Variants in HAUS1 observed in about 807,000 individuals in gnomAD.
HAUS1 encodes HAUS augmin like complex subunit 1.
HAUS1 carries 25 observed loss-of-function variants against 38.6 expected under a neutral mutation model. That is an observed-to-expected ratio of 0.65 (90% CI 0.47 to 0.91). The LOEUF (loss-of-function observed/expected upper bound fraction) is 0.91, where lower values mean the gene tolerates loss of function less well. HAUS1 is among the 40% of genes least tolerant of loss of function. HAUS1 has a pLI of 0.00. For missense variants in HAUS1, 325 were observed against 328.4 expected, an observed-to-expected ratio of 0.99 and a Z score of 0.08; for synonymous variants, 109 against 112.9, an observed-to-expected ratio of 0.97 and a Z score of 0.22.
chr18:46,124,724 A>G, intron 6 of HAUS1, 98 bp from the exon 7 acceptor site: 3 of 650,496 alleles, frequency 4.6e-6, no homozygotes, highest in Non-Finnish European at 8.1e-6. Flanking sequence ...AAAATATACT[A>G]ATGTTAATGC....
chr18:46,121,435 AGAGG>A lies in HAUS1; in HGVS notation c.477-1031_477-1028del, dbSNP rs200983654. On this transcript the variant is annotated intron_variant, in intron 4 of 8. Coordinates refer to ENST00000282058, the MANE Select transcript of HAUS1 (RefSeq NM_138443.4). The stretch of plus-strand genomic sequence containing the variant: ...TCGAACTTCATGTCACATTTAGTAC[AGAGG>A]TATTTAGGACCTCCTATTTCAAATT... Among the ~76,000 whole-genome samples the A allele has an allele frequency of 5.7e-3, 874 of 152,176 alleles. 18 individuals carry two copies. The highest frequency in any genetic ancestry group is 0.033 in the Admixed American group (498 of 15,272).
chr18:46,105,536 ATATATG>A (rs770762008), intron 2 of HAUS1, 168 bp downstream of exon 2: 20 of 563,766 alleles, frequency 3.5e-5, no homozygotes, highest in South Asian at 1.6e-4. Flanking sequence ...TTATGTTTAT[ATATATG>A]TATATGTATG....
In HAUS1 at chr18:46,105,302, C is replaced by CG. The variant is rs1911432158; in HGVS notation, c.142dup (p.Asp48GlyfsTer17). Reference sequence around the variant, plus strand: ...TCACCTTTCAGAACGCAACAGGGTCCGGGACAGGGATGTCTACCTGGTAAT... The same window carrying CG: ...TCACCTTTCAGAACGCAACAGGGTCCGGGGACAGGGATGTCTACCTGGTAAT... On this transcript the variant is annotated frameshift_variant, in exon 2 of 9. Coordinates refer to ENST00000282058, the MANE Select transcript of HAUS1 (RefSeq NM_138443.4). LOFTEE classifies it high-confidence loss of function. The CG allele has an allele frequency of 6.2e-7, 1 of 1,613,008 alleles. No homozygotes were observed. Among genetic ancestry groups the CG allele is most frequent in the South Asian group, 1.1e-5 (1 of 91,034 alleles).
chr18:46,122,304 T>TAA (rs370835393), intron 4 of HAUS1, among the ~76,000 whole-genome samples, 163 bp from the exon 5 acceptor site: 5 of 148,418 alleles, frequency 3.4e-5, no homozygotes, highest in Admixed American at 2.0e-4. Flanking sequence ...ACCTCATCTC[T>TAA]TAAAAAAAAA....
intron 2 of HAUS1, among the ~76,000 whole-genome samples, chr18:46,117,279 C>T (rs962451539): frequency 6.6e-5 from 10 of 152,128 alleles, no homozygotes; most frequent in Middle Eastern, 3.2e-3. Flanking sequence ...GTGGAAACAA[C>T]CCAAATGTCC....
chr18:46,127,194 A>G (rs1249965113), intron 8 of HAUS1, among the ~76,000 whole-genome samples: 1 of 151,280 alleles, frequency 6.6e-6, no homozygotes, highest in African/African-American at 2.4e-5. Context: ...CTGGTCTCCA[A>G]CTCCTGACCT....
intron 3 of HAUS1, among the ~76,000 whole-genome samples, chr18:46,119,176 G>A (rs532493552): frequency 2.6e-5 from 4 of 151,814 alleles, no homozygotes; most frequent in African/African-American, 4.8e-5. Context: ...GTAGAACTAC[G>A]AATATTAATA....
chr18:46,119,855 T>C, intron 3 of HAUS1, 71 bp from the exon 4 acceptor site: 4 of 1,350,368 alleles, frequency 3.0e-6, no homozygotes, highest in Non-Finnish European at 4.0e-6. Context: ...AATAAAGTCA[T>C]TTTTAGCAAT....
intron 2 of HAUS1, among the ~76,000 whole-genome samples, chr18:46,113,142 T>A (rs1173353071): frequency 2.0e-5 from 3 of 146,560 alleles, no homozygotes; most frequent in Admixed American, 1.4e-4. Flanking sequence ...AGTGGCGGAA[T>A]CTCAGCTCGC....
At chr18:46,118,029 G>A in intron 2 of HAUS1, 152 bp from the exon 3 acceptor site, 1 of 635,138 alleles carries the variant, frequency 1.6e-6, no homozygotes, top group East Asian at 2.6e-5. Flanking sequence ...TTTAAGAATA[G>A]GTTGTACTGA....
intron 4 of HAUS1, 141 bp from the exon 5 acceptor site, chr18:46,122,326 G>A: frequency 1.4e-6 from 1 of 709,394 alleles, no homozygotes; most frequent in South Asian, 1.9e-5. Flanking sequence ...AAAACCCAGA[G>A]TGCAACATGG....
At chr18:46,120,392 G>C (rs1911903661) in intron 4 of HAUS1, among the ~76,000 whole-genome samples, 1 of 151,718 alleles carries the variant, frequency 6.6e-6, no homozygotes, top group Admixed American at 6.6e-5. Flanking sequence ...GAGCCACCAT[G>C]CCCAGCTAAT....
At chr18:46,109,356 G>T (rs1380332761) in intron 2 of HAUS1, among the ~76,000 whole-genome samples, 1 of 152,116 alleles carries the variant, frequency 6.6e-6, no homozygotes, top group Non-Finnish European at 1.5e-5. Context: ...GACACGTGGG[G>T]ATTACAATTC....
At chr18:46,121,187 TTTTA>T (rs932877844) in intron 4 of HAUS1, among the ~76,000 whole-genome samples, 2 of 152,036 alleles carry the variant, frequency 1.3e-5, no homozygotes, top group Non-Finnish European at 2.9e-5. Context: ...TATTTACTTA[TTTTA>T]TTTATTTATT....
In HAUS1 at chr18:46,124,852, C is replaced by A; in HGVS notation, c.697C>A (p.Pro233Thr). The A allele has an allele frequency of 1.2e-6, 2 of 1,606,352 alleles. No individual in the cohort carries two copies. Among genetic ancestry groups the A allele is most frequent in the Non-Finnish European group, 1.7e-6 (2 of 1,174,124 alleles). The change falls in exon 7 of 9, where the codon CCT (proline) becomes ACT (threonine). Residue 233 changes from proline (P) to threonine (T), a missense_variant. Pro to Thr is a conservative substitution (Grantham distance 38, BLOSUM62 -1). Coordinates refer to ENST00000282058, the MANE Select transcript of HAUS1 (RefSeq NM_138443.4). ...KLARLKQQTI[P>T]LKKKLESYLD... The stretch of plus-strand genomic sequence containing the variant: ...GGCAAGATTAAAGCAACAGACTATA[C>A]CTTTGAAGAAAAAATTGGAGTCCTA...
chr18:46,120,959 A>G (rs1010645032), intron 4 of HAUS1, among the ~76,000 whole-genome samples: 2 of 152,204 alleles, frequency 1.3e-5, no homozygotes, highest in African/African-American at 4.8e-5. Context: ...CTTATACTTA[A>G]AGTCACATTA....
rs181371304 is a variant in HAUS1 at position 46,104,577 on chromosome 18, C to T, written c.30+136C>T. On this transcript the variant is annotated intron_variant, in intron 1 of 8. Coordinates refer to ENST00000282058, the MANE Select transcript of HAUS1 (RefSeq NM_138443.4). ...TCCACACATCCGTCTTTTAGTGCCG[C>T]CGTCACTATCTGCAAGCCCCCCGTG... 1,995 of 675,972 alleles carry T rather than the reference C, an allele frequency of 3.0e-3. 2 individuals carry two copies. The highest frequency in any genetic ancestry group is 3.2e-3 in the Non-Finnish European group (1,398 of 441,674). The allele number at this position is 675,972 out of a possible 1,614,324, so 41.9% of individuals were successfully genotyped here. A position where few individuals can be genotyped will look rare whatever the true frequency, so the allele number is the denominator to read the frequency against.
chr18:46,113,733 T>C (rs1227282633), intron 2 of HAUS1, among the ~76,000 whole-genome samples: 4 of 152,186 alleles, frequency 2.6e-5, no homozygotes, highest in Non-Finnish European at 5.9e-5. Context: ...TTTTTGTTGT[T>C]GTTGTTGTTG....
At position 46,128,249 on chromosome 18, in the gene HAUS1, T is replaced by G. The variant is rs1162557904; in HGVS notation, c.*124T>G. 2.0e-6 allele frequency: 1 copy of G among 512,680 alleles called. No individual in the cohort carries two copies. Among genetic ancestry groups the G allele is most frequent in the African/African-American group, 2.0e-5 (1 of 50,570 alleles). The allele number at this position is 512,680 out of a possible 1,614,324, so 31.8% of individuals were successfully genotyped here. ...TGTGTTCTTAGATTACAGAATATCA[T>G]AATTGATAGAATATGGTTTCTTACT... On this transcript the variant is annotated 3_prime_UTR_variant, in exon 9 of 9. Transcript: ENST00000282058.
Sources: gnomAD v4.1 joint callset for allele counts (sites outside exome capture counted in the v4.1 genomes callset) on GRCh38, gnomAD v4.1.1 for gene constraint, MANE v1.5 for transcripts, NCBI Gene and HGNC (gene_info 2026-07-23, HGNC 2026-07-21) for gene names.